USP32: variants seen among roughly 807,000 people sequenced by gnomAD.
USP32 encodes the protein ubiquitin specific peptidase 32.
A neutral mutation model predicts 204.8 loss-of-function variants in USP32; 59 were observed. The observed-to-expected ratio is 0.29, with a 90% CI of 0.23 to 0.36. The LOEUF (loss-of-function observed/expected upper bound fraction) is 0.36, where lower values mean the gene tolerates loss of function less well. USP32 is among the 10% of genes least tolerant of loss of function. The pLI is 1.00. For missense variants in USP32, 1,160 were observed against 1,946.4 expected (o/e 0.60, Z 7.60); for synonymous variants, 517 against 678.4 (o/e 0.76, Z 3.70).
At chr17:60,271,315 C>T (rs2086719105) in intron 6 of USP32, 35 bp downstream of exon 6, 1 of 1,607,366 alleles carries the variant, frequency 6.2e-7, no homozygotes, top group Non-Finnish European at 8.5e-7. Context: ...GTATGTTTAC[C>T]AGTGAACATA....
chr17:60,233,082 C>T (rs560278807), intron 12 of USP32, among the ~76,000 whole-genome samples: 10 of 152,164 alleles, frequency 6.6e-5, no homozygotes, highest in African/African-American at 1.9e-4. Context: ...AAAGCAAGTG[C>T]AAGGGACAAG....
chr17:60,362,861 C>T (rs768304663), intron 1 of USP32, among the ~76,000 whole-genome samples: 5 of 151,552 alleles, frequency 3.3e-5, no homozygotes, highest in Admixed American at 6.6e-5. Flanking sequence ...ACAAAAAACA[C>T]CTTAGTCAAA....
At chr17:60,245,199 C>A in intron 11 of USP32, 1 of 197,748 alleles carries the variant, frequency 5.1e-6, no homozygotes. Context: ...TTATTATTAC[C>A]TATGTAATTT....
chr17:60,316,482 G>A (rs140985609), intron 2 of USP32, among the ~76,000 whole-genome samples: 13 of 152,198 alleles, frequency 8.5e-5, no homozygotes, highest in East Asian at 3.9e-4. Context: ...GCACGTTTCC[G>A]CAGTTCAACT....
chr17:60,201,185 A>G (rs543494370), intron 26 of USP32, among the ~76,000 whole-genome samples: 1 of 152,238 alleles, frequency 6.6e-6, no homozygotes, highest in South Asian at 2.1e-4. Context: ...GCTTCTTTCC[A>G]TCAACATTAG....
chr17:60,315,770 A>G (rs1018282398), intron 2 of USP32: 1 of 152,350 alleles, frequency 6.6e-6, no homozygotes, highest in African/African-American at 2.4e-5. Context: ...GCTCTCTAGC[A>G]CCTTTAGCTC....
At chr17:60,235,450 T>C (rs1323645588) in intron 12 of USP32, among the ~76,000 whole-genome samples, 1 of 152,168 alleles carries the variant, frequency 6.6e-6, no homozygotes, top group Non-Finnish European at 1.5e-5. Flanking sequence ...GAAAGAATGA[T>C]GAGATAGATA....
chr17:60,355,765 G>A (rs1278877469), intron 1 of USP32, among the ~76,000 whole-genome samples: 3 of 150,216 alleles, frequency 2.0e-5, no homozygotes, highest in Non-Finnish European at 4.4e-5. Flanking sequence ...GCGCCTGGGA[G>A]GTCAAGGCTG....
chr17:60,251,699 T>C (rs953057659), intron 11 of USP32, among the ~76,000 whole-genome samples: 34 of 152,186 alleles, frequency 2.2e-4, no homozygotes, highest in African/African-American at 7.5e-4. Context: ...GTTTTTTAAA[T>C]ATAATCCGGA....
At chr17:60,379,709 T>C (rs2089614017) in intron 1 of USP32, among the ~76,000 whole-genome samples, 1 of 152,238 alleles carries the variant, frequency 6.6e-6, no homozygotes. Flanking sequence ...AATTGGGAGT[T>C]TGAAATATGA....
At chr17:60,236,018 C>G in intron 12 of USP32, 120 bp downstream of exon 12, 4 of 800,534 alleles carry the variant, frequency 5.0e-6, no homozygotes, top group East Asian at 2.5e-5. Flanking sequence ...CCCTTCGAAT[C>G]TTTATTTAAG....
At chr17:60,290,091 G>A (rs1013490626) in intron 4 of USP32, among the ~76,000 whole-genome samples, 10 of 152,058 alleles carry the variant, frequency 6.6e-5, no homozygotes, top group Non-Finnish European at 1.2e-4. Context: ...CAACAGGCCC[G>A]GGGTAGAAAG....
chr17:60,233,902 C>T (rs759150471), intron 12 of USP32, among the ~76,000 whole-genome samples: 2 of 152,158 alleles, frequency 1.3e-5, no homozygotes, highest in South Asian at 2.1e-4. Flanking sequence ...CCATATAAAG[C>T]GATACTCCTC....
chr17:60,240,474 GAAGAGA>G (rs1452341329), intron 11 of USP32, among the ~76,000 whole-genome samples: 1 of 148,896 alleles, frequency 6.7e-6, no homozygotes, highest in African/African-American at 2.6e-5. Context: ...GGAGAGAGAG[GAAGAGA>G]AAGAGAAAAA....
intron 12 of USP32, among the ~76,000 whole-genome samples, chr17:60,232,295 C>G (rs150255904): frequency 6.7e-6 from 1 of 149,634 alleles, no homozygotes; most frequent in Middle Eastern, 3.2e-3. Flanking sequence ...GCCTCAGCCT[C>G]CCAAGTAGCT....
At chr17:60,332,509 G>A (rs961274714) in intron 2 of USP32, among the ~76,000 whole-genome samples, 16 of 151,774 alleles carry the variant, frequency 1.1e-4, no homozygotes, top group African/African-American at 2.7e-4. Flanking sequence ...TTAGCTGGGC[G>A]TGGTGGTGGG....
At chr17:60,242,667 A>G (rs577286727) in intron 11 of USP32, among the ~76,000 whole-genome samples, 1 of 152,256 alleles carries the variant, frequency 6.6e-6, no homozygotes, top group East Asian at 1.9e-4. Context: ...TCTGCCTCCT[A>G]AAGTGCTGGG....
chr17:60,388,885 TA>T (rs886632072), intron 1 of USP32, among the ~76,000 whole-genome samples: 3 of 152,218 alleles, frequency 2.0e-5, no homozygotes, highest in African/African-American at 7.2e-5. Context: ...TCAGGCCCAG[TA>T]AGTGTTATCT....
chr17:60,301,406 T>C (rs1222191611), intron 3 of USP32, 193 bp downstream of exon 3: 2 of 434,460 alleles, frequency 4.6e-6, no homozygotes, highest in Non-Finnish European at 8.1e-6. Context: ...AGGTGTGAAG[T>C]AGTATCTCAC....
Sources: gnomAD v4.1 joint callset for allele counts (sites outside exome capture counted in the v4.1 genomes callset) on GRCh38, gnomAD v4.1.1 for gene constraint, MANE v1.5 for transcripts, NCBI Gene and HGNC (gene_info 2026-07-23, HGNC 2026-07-21) for gene names.